Variants in USO1 observed in about 807,000 individuals in gnomAD.
USO1 encodes the protein general vesicular transport factor p115.
A neutral mutation model predicts 124.5 loss-of-function variants in USO1; 57 were observed. The ratio of observed to expected loss-of-function variants is 0.46; its 90% confidence interval spans 0.37 to 0.57. The LOEUF is 0.57. USO1 is among the 20% of genes least tolerant of loss of function. The probability of loss-of-function intolerance (pLI) is 0.00; values close to 1 mark genes in which losing one functional copy is unlikely to be tolerated. For missense variants in USO1, 900 were observed against 1,040.6 expected (o/e 0.86, Z 1.86); for synonymous variants, 369 against 362.8 (o/e 1.02, Z -0.19).
In USO1 at chr4:75,808,961, A is replaced by C. The variant is rs769357472; in HGVS notation, c.2385A>C (p.Ala795=). Residue 795 remains alanine, a synonymous_variant, in exon 21 of 24, where the codon GCA becomes GCC. Coordinates refer to ENST00000514213, the MANE Select transcript of USO1 (RefSeq NM_003715.4). ...EQVAELKQEL[A]TLKSQLNSQS... ...CTATTTTTGTCTCTTAGGAACTGGC[A>C]ACTTTAAAGTCTCAGTTAAACTCAC... 2 of 1,598,080 alleles carry C rather than the reference A, an allele frequency of 1.3e-6. No homozygotes were observed. Among genetic ancestry groups the C allele is most frequent in the Admixed American group, 1.7e-5 (1 of 57,452 alleles).
chr4:75,809,805 C>T (rs963275102), intron 21 of USO1, among the ~76,000 whole-genome samples: 4 of 152,198 alleles, frequency 2.6e-5, no homozygotes, highest in African/African-American at 9.7e-5. Context: ...CACTTAATGT[C>T]CATATCTCTA....
intron 4 of USO1, among the ~76,000 whole-genome samples, chr4:75,768,978 C>T (rs1032115619): frequency 2.0e-5 from 3 of 152,322 alleles, no homozygotes; most frequent in Middle Eastern, 3.4e-3. Flanking sequence ...ATACTTCCAG[C>T]TTGCTTCTCC....
At chr4:75,763,878 A>G (rs1721692664) in intron 4 of USO1, among the ~76,000 whole-genome samples, 1 of 152,158 alleles carries the variant, frequency 6.6e-6, no homozygotes, top group Admixed American at 6.6e-5. Context: ...CAACTTTTAG[A>G]TATTAGTGTA....
intron 1 of USO1, among the ~76,000 whole-genome samples, chr4:75,743,111 A>C (rs1406264261): frequency 1.3e-5 from 2 of 151,140 alleles, no homozygotes; most frequent in Non-Finnish European, 2.9e-5. Flanking sequence ...CAGCCTCCCG[A>C]GTGGCTGGGA....
chr4:75,752,726 A>G (rs956932793), intron 3 of USO1, 122 bp downstream of exon 3: 2 of 387,230 alleles, frequency 5.2e-6, no homozygotes, highest in East Asian at 3.7e-5. Context: ...GGGGTTTGCC[A>G]TGTTGCCCAC....
intron 1 of USO1, among the ~76,000 whole-genome samples, chr4:75,741,811 C>T (rs1435657207): frequency 6.6e-6 from 1 of 151,942 alleles, no homozygotes; most frequent in African/African-American, 2.4e-5. Flanking sequence ...ACCATGTTGG[C>T]CAGGCTGGTG....
At position 75,813,127 on chromosome 4, in the gene USO1, T is replaced by G. The variant is rs149426210; in HGVS notation, c.2800-79T>G. On this transcript the variant is annotated intron_variant, in intron 23 of 23. Transcript: ENST00000514213. ...ACTCCATCTCAGAAAAAAAAAAAAT[T>G]ATCAGTAGTATATATTGTTAAATGT... 4.4e-4 allele frequency: 616 copies of G among 1,393,026 alleles called. 2 individuals are homozygous for G. The East Asian group carries it at 0.012, about 27-fold the overall frequency. 86.3% of individuals were successfully genotyped at this position (1,393,026 alleles called of 1,614,324 possible).
chr4:75,776,035 A>G (rs1722064827), intron 8 of USO1, among the ~76,000 whole-genome samples: 2 of 152,228 alleles, frequency 1.3e-5, no homozygotes, highest in African/African-American at 4.8e-5. Context: ...GCTTAGAGAA[A>G]GAAGACTTTG....
intron 13 of USO1, among the ~76,000 whole-genome samples, chr4:75,795,926 T>A (rs1722664551): frequency 6.6e-6 from 1 of 151,856 alleles, no homozygotes; most frequent in African/African-American, 2.4e-5. Flanking sequence ...TTTGTTTTGT[T>A]TTGTTTTGTT....
chr4:75,790,562 A>G (rs375789821), intron 11 of USO1, 81 bp from the exon 12 acceptor site: 66 of 1,508,844 alleles, frequency 4.4e-5, no homozygotes, highest in East Asian at 2.1e-4. Context: ...TGATTCTTCA[A>G]TCAACAAAAA....
At position 75,752,330 on chromosome 4, in the gene USO1, G is replaced by GT. The variant is rs1170236784; in HGVS notation, c.67-35dup. On this transcript the variant is annotated intron_variant, in intron 1 of 23. Transcript: ENST00000514213. ...AAATTTAGGGGACAAAAATTTCACG[G>GT]TTTTTTTTATTCTTTTAATGCCATT... is the stretch of plus-strand genomic sequence containing the variant. 1,085 of 396,918 alleles carry GT rather than the reference G, an allele frequency of 2.7e-3. 17 individuals are homozygous for GT. Among genetic ancestry groups the GT allele is most frequent in the African/African-American group, 0.02 (991 of 48,502 alleles). 24.6% of individuals were successfully genotyped at this position (396,918 alleles called of 1,614,324 possible). A position where few individuals can be genotyped will look rare whatever the true frequency, so the allele number is the denominator to read the frequency against.
chr4:75,738,837 T>C (rs1720870170), intron 1 of USO1, among the ~76,000 whole-genome samples: 1 of 151,736 alleles, frequency 6.6e-6, no homozygotes, highest in Non-Finnish European at 1.5e-5. Flanking sequence ...ACTGGCCAAG[T>C]GTTTTTTTGT....
intron 1 of USO1, among the ~76,000 whole-genome samples, chr4:75,751,409 A>G (rs947783351): frequency 4.3e-4 from 64 of 148,850 alleles, no homozygotes; most frequent in Non-Finnish European, 2.2e-4. Context: ...ACAGGGTTTC[A>G]CCATATTGGC....
intron 1 of USO1, among the ~76,000 whole-genome samples, chr4:75,736,368 C>T (rs1454017102): frequency 4.1e-5 from 5 of 121,842 alleles, no homozygotes; most frequent in South Asian, 2.7e-4. Flanking sequence ...CCCAGGCTGG[C>T]GCAATTTCAG....
intron 1 of USO1, among the ~76,000 whole-genome samples, chr4:75,736,008 G>GA (rs1405633496): frequency 2.0e-5 from 3 of 152,116 alleles, no homozygotes; most frequent in African/African-American, 7.2e-5. Flanking sequence ...TTGTTAAATG[G>GA]ATTGTTTGTC....
At chr4:75,806,095 A>G (rs1200330778) in intron 19 of USO1, among the ~76,000 whole-genome samples, 2 of 152,070 alleles carry the variant, frequency 1.3e-5, no homozygotes, top group Non-Finnish European at 2.9e-5. Context: ...AGGTTCTAGC[A>G]GTTCTCCTGC....
At chr4:75,790,294 A>G in intron 11 of USO1, 56 bp downstream of exon 11, 1 of 1,545,302 alleles carries the variant, frequency 6.5e-7, no homozygotes, top group South Asian at 1.2e-5. Context: ...TTGGGTTGTT[A>G]ATGTATCTCA....
At chr4:75,776,103 AT>A (rs1722066721) in intron 8 of USO1, among the ~76,000 whole-genome samples, 1 of 152,164 alleles carries the variant, frequency 6.6e-6, no homozygotes, top group Non-Finnish European at 1.5e-5. Context: ...AATTTGTTAT[AT>A]ATCTGCAATG....
chr4:75,747,082 TA>T (rs1285289981), intron 1 of USO1, among the ~76,000 whole-genome samples: 2 of 152,176 alleles, frequency 1.3e-5, no homozygotes, highest in African/African-American at 2.4e-5. Context: ...CTATATCATA[TA>T]GGGGAGGATT....
Sources: allele counts gnomAD v4.1 joint callset (sites outside exome capture counted in the v4.1 genomes callset), GRCh38; gene constraint gnomAD v4.1.1; transcripts MANE v1.5; gene names NCBI Gene and HGNC (gene_info 2026-07-23, HGNC 2026-07-21).